The following SIPA1L2 variants were observed in gnomAD, a reference collection of about 807,000 sequenced individuals.
SIPA1L2 encodes signal-induced proliferation-associated 1-like protein 2.
In SIPA1L2, 56 loss-of-function variants were observed where a neutral mutation model predicts 163.9. That is an observed-to-expected ratio of 0.34 (90% CI 0.28 to 0.43). The LOEUF (loss-of-function observed/expected upper bound fraction) is 0.43. Among genes scored for constraint, SIPA1L2 ranks in the 20% least tolerant of loss-of-function variants. SIPA1L2 has a pLI of 1.00. For missense variants in SIPA1L2, 1,974 were observed against 2,193.5 expected (o/e 0.90, Z 2.00); for synonymous variants, 877 against 865.7 (o/e 1.01, Z -0.23).
In SIPA1L2 at chr1:232,465,127, T is replaced by G; in HGVS notation, c.2533A>C (p.Lys845Gln). ...CCAATGCTAAACAAGTGGGCATCCT[T>G]CCTTGGCTTTACCTTCTCCTTTTTC... is the stretch of plus-strand genomic sequence containing the variant. ...AKKKEKVKPRKDAHLFSIGAI... is the reference protein window; with the variant it reads ...AKKKEKVKPRQDAHLFSIGAI... Residue 845 changes from lysine to glutamine, a missense_variant, in exon 9 of 23, where the codon AAG (lysine) becomes CAG (glutamine). Lys to Gln is a moderately conservative substitution (Grantham distance 53, BLOSUM62 1). Transcript: ENST00000674635. This position sits in a 1 kb window ranked among gnomAD's most constrained non-coding sequence, Gnocchi z 4.1. The G allele has an allele frequency of 1.2e-6, 2 of 1,614,200 alleles. No homozygotes were observed. The highest frequency in any genetic ancestry group is 1.7e-6 in the Non-Finnish European group (2 of 1,180,036).
chr1:232,606,856 A>G (rs1235899255), intron 1 of SIPA1L2, among the ~76,000 whole-genome samples: 1 of 151,946 alleles, frequency 6.6e-6, no homozygotes, highest in African/African-American at 2.4e-5. Context: ...GGCTTTTACA[A>G]TAAAGAACAT....
chr1:232,563,759 G>C (rs1659178972), intron 2 of SIPA1L2, among the ~76,000 whole-genome samples: 1 of 152,176 alleles, frequency 6.6e-6, no homozygotes, highest in Non-Finnish European at 1.5e-5. Flanking sequence ...CTGTTGCCCA[G>C]GCTGGAGTGC....
chr1:232,511,145 A>G (rs1406722527), intron 3 of SIPA1L2, among the ~76,000 whole-genome samples: 2 of 152,176 alleles, frequency 1.3e-5, no homozygotes, highest in African/African-American at 4.8e-5. Flanking sequence ...CCTCTGCATG[A>G]ACACGGGCAT....
chr1:232,627,256 A>G (rs113712409), intron 1 of SIPA1L2, among the ~76,000 whole-genome samples: 17 of 152,354 alleles, frequency 1.1e-4, no homozygotes, highest in African/African-American at 4.1e-4. Flanking sequence ...ACATAAACAC[A>G]TAGTTCTTTG....
At chr1:232,578,369 G>A (rs144806956) in intron 1 of SIPA1L2, among the ~76,000 whole-genome samples, 11 of 152,010 alleles carry the variant, frequency 7.2e-5, no homozygotes, top group Non-Finnish European at 1.2e-4. Flanking sequence ...GGCAACGTGC[G>A]GAAGCCTAGG....
At chr1:232,434,674 T>G (rs1662447090) in intron 15 of SIPA1L2, among the ~76,000 whole-genome samples, 1 of 152,186 alleles carries the variant, frequency 6.6e-6, no homozygotes, top group Admixed American at 6.5e-5. Flanking sequence ...ATGAAAACTG[T>G]GTGTCTAGAC....
In SIPA1L2 at chr1:232,514,719, G is replaced by A. The variant is rs575211782; in HGVS notation, c.621C>T (p.Asn207=). 5.0e-6 allele frequency: 8 copies of A among 1,614,184 alleles called. No homozygotes were observed. In the African/African-American group the frequency reaches 1.1e-4, roughly 22 times the overall value. Residue 207 remains asparagine (N), a synonymous_variant, in exon 3 of 23, where the codon AAC becomes AAT. Coordinates refer to ENST00000674635, the MANE Select transcript of SIPA1L2 (RefSeq NM_020808.5). ...GGTACCCTCTGAGCATAGCAAAAAA[G>A]TTTTCACCAGATAAGCCTTGCCTGT... ...SIDRQGLSGE[N]FFAMLRGYRV... is the part of the protein sequence containing the mutation.
Position 232,441,781 on chromosome 1 carries a change from T to TGC in SIPA1L2, c.3523_3524dup (p.Ser1176GlnfsTer73). On this transcript the variant is annotated frameshift_variant, in exon 13 of 23. Coordinates refer to ENST00000674635, the MANE Select transcript of SIPA1L2 (RefSeq NM_020808.5). LOFTEE classifies it high-confidence loss of function. Reference sequence around the variant, plus strand: ...GTTCCTTATTACCCGGGTGCCTGCTTGCTTCCATGGTGTCTTCCCTCTCCC... The same window carrying TGC: ...GTTCCTTATTACCCGGGTGCCTGCTTGCGCTTCCATGGTGTCTTCCCTCTCCC... The TGC allele has an allele frequency of 6.2e-7, 1 of 1,613,928 alleles. No individual in the cohort carries two copies. Among genetic ancestry groups the TGC allele is most frequent in the Non-Finnish European group, 8.5e-7 (1 of 1,179,940 alleles).
rs865834450 is a variant in SIPA1L2 at position 232,441,711 on chromosome 1, G to A, written c.3538+57C>T. ...AAAATGAAGTGATGGGAGAGGAGGG[G>A]GCAGAGAGGGGGAAAGGGGGAGCAA... is the stretch of plus-strand genomic sequence containing the variant. On this transcript the variant is annotated intron_variant, in intron 13 of 22. Transcript: ENST00000674635. 64 of 1,365,018 alleles carry A rather than the reference G, an allele frequency of 4.7e-5. 1 individual carries two copies. In the Middle Eastern group the frequency reaches 7.2e-3, roughly 153 times the overall value. The allele number at this position is 1,365,018 out of a possible 1,614,324, so 84.6% of individuals were successfully genotyped here. A position where few individuals can be genotyped will look rare whatever the true frequency, so the allele number is the denominator to read the frequency against.
intron 19 of SIPA1L2, among the ~76,000 whole-genome samples, chr1:232,412,553 G>A (rs966640517): frequency 2.0e-5 from 3 of 152,146 alleles, no homozygotes; most frequent in Non-Finnish European, 1.5e-5. Flanking sequence ...GGGCAACTGG[G>A]TTATCTACCT....
intron 18 of SIPA1L2, among the ~76,000 whole-genome samples, chr1:232,418,041 G>C (rs1159121328): frequency 1.3e-5 from 2 of 152,168 alleles, no homozygotes; most frequent in South Asian, 4.1e-4. Context: ...GTTTTACTAA[G>C]AAATGCCAAC....
chr1:232,599,232 A>C (rs1203158808), intron 1 of SIPA1L2, among the ~76,000 whole-genome samples: 1 of 152,212 alleles, frequency 6.6e-6, no homozygotes, highest in Non-Finnish European at 1.5e-5. Flanking sequence ...GTGGTGTCTG[A>C]TCATCCGGAA....
At position 232,460,909 on chromosome 1, in the gene SIPA1L2, G is replaced by A; in HGVS notation, c.3073C>T (p.His1025Tyr). 2 of 1,613,984 alleles carry A rather than the reference G, an allele frequency of 1.2e-6. No homozygotes were observed. The highest frequency in any genetic ancestry group is 1.7e-6 in the Non-Finnish European group (2 of 1,179,858). The change falls in exon 10 of 23, where the codon CAT (histidine) becomes TAT (tyrosine). Residue 1025 changes from histidine (H) to tyrosine (Y), a missense_variant. Around this residue, in one of 3 missense-constraint regions of SIPA1L2, gnomAD observed 1,079 missense variants for 1,150.7 expected, o/e 0.94. Transcript: ENST00000674635. ...TACCTTCGGGGCGAGCCGTCATCAT[G>A]GGGCTGGATGATGACCACCTTCACA... Reference protein sequence around the residue: ...VTVKVVIIQPHDDGSPRRGCS... With the variant: ...VTVKVVIIQPYDDGSPRRGCS...
At chr1:232,508,316 G>A (rs1203590372) in intron 3 of SIPA1L2, among the ~76,000 whole-genome samples, 1 of 152,134 alleles carries the variant, frequency 6.6e-6, no homozygotes, top group Non-Finnish European at 1.5e-5. Flanking sequence ...GGTCTGGGTG[G>A]CATAAAGTAG....
At chr1:232,562,811 C>T (rs908769080) in intron 2 of SIPA1L2, among the ~76,000 whole-genome samples, 2 of 152,172 alleles carry the variant, frequency 1.3e-5, no homozygotes, top group Non-Finnish European at 2.9e-5. Context: ...CAAAAAAATG[C>T]TTCACGTGTT....
chr1:232,462,908 C>T (rs1387422977), intron 9 of SIPA1L2, among the ~76,000 whole-genome samples: 1 of 152,094 alleles, frequency 6.6e-6, no homozygotes, highest in Admixed American at 6.5e-5. Flanking sequence ...TTCTTTATCC[C>T]CTCTGTTTAT....
At chr1:232,480,880 T>A (rs1665314910) in intron 6 of SIPA1L2, among the ~76,000 whole-genome samples, 1 of 152,176 alleles carries the variant, frequency 6.6e-6, no homozygotes, top group Non-Finnish European at 1.5e-5. Flanking sequence ...ACGGACTTAT[T>A]ATATTCTTTC....
intron 9 of SIPA1L2, 43 bp from the exon 10 acceptor site, chr1:232,461,204 G>T (rs1301045092): frequency 1.3e-6 from 2 of 1,592,056 alleles, no homozygotes; most frequent in African/African-American, 2.7e-5. Flanking sequence ...TCCTGCCCAA[G>T]CTGCCATGGG....
In SIPA1L2 at chr1:232,428,419, G is replaced by A. The variant is rs1394988811; in HGVS notation, c.4402C>T (p.Arg1468Ter). Reference sequence around the variant, plus strand: ...CTCCCTAAGTCACTAACCTTTCTTCGCCCCTCCTCCACTAAGGGGCTGTCA... The same window carrying A: ...CTCCCTAAGTCACTAACCTTTCTTCACCCCTCCTCCACTAAGGGGCTGTCA... ...LPDSPLVEEG[R>*]RKFSFYGNLS... Residue 1468 changes from arginine to a stop codon, truncating the protein, a stop_gained, in exon 17 of 23, where the codon CGA becomes TGA. Transcript: ENST00000674635. LOFTEE classifies it high-confidence loss of function. 1.4e-6 allele frequency: 2 copies of A among 1,468,842 alleles called. No homozygotes were observed. The highest frequency in any genetic ancestry group is 2.7e-5 in the East Asian group (1 of 37,536). The allele number at this position is 1,468,842 out of a possible 1,614,324, so 91.0% of individuals were successfully genotyped here. A position where few individuals can be genotyped will look rare whatever the true frequency, so the allele number is the denominator to read the frequency against.
Sources: gnomAD v4.1 joint callset for allele counts (sites outside exome capture counted in the v4.1 genomes callset) on GRCh38, gnomAD v4.1.1 for gene constraint, gnomAD v4.1.1 regional missense constraint, Gnocchi (gnomAD v3.1) non-coding constraint, MANE v1.5 for transcripts, NCBI Gene and HGNC (gene_info 2026-07-23, HGNC 2026-07-21) for gene names.